The following KCNQ3 variants were observed in gnomAD, a reference collection of about 807,000 sequenced individuals.
The protein encoded by KCNQ3 is potassium voltage-gated channel subfamily KQT member 3.
KCNQ3 carries 30 observed loss-of-function variants against 92.5 expected under a neutral mutation model. That is an observed-to-expected ratio of 0.32 (90% CI 0.24 to 0.44). KCNQ3 has a LOEUF of 0.44. Ranked by LOEUF, KCNQ3 falls within the 20% of genes least tolerant of loss-of-function variation. The pLI is 1.00. For synonymous variants in KCNQ3, 450 were observed against 468.8 expected (o/e 0.96, Z 0.52); for missense variants, 913 against 1,140.3 (o/e 0.80, Z 2.87).
At chr8:132,392,787 TC>T (rs1767627406) in intron 1 of KCNQ3, among the ~76,000 whole-genome samples, 1 of 43,228 alleles carries the variant, frequency 2.3e-5, no homozygotes, top group Non-Finnish European at 4.7e-5. Flanking sequence ...GCAGAACCTG[TC>T]TCAAAAAAAA....
chr8:132,262,612 A>G (rs1309165623), intron 1 of KCNQ3, among the ~76,000 whole-genome samples: 1 of 147,934 alleles, frequency 6.8e-6, no homozygotes, highest in Non-Finnish European at 1.5e-5. Flanking sequence ...GCCACAGTGA[A>G]GGGGTGGAAT....
At chr8:132,176,265 G>A (rs1223853905) in intron 4 of KCNQ3, among the ~76,000 whole-genome samples, 1 of 152,176 alleles carries the variant, frequency 6.6e-6, no homozygotes, top group African/African-American at 2.4e-5. Context: ...ATATGACTAA[G>A]TAAACAAGAG....
intron 1 of KCNQ3, among the ~76,000 whole-genome samples, chr8:132,411,853 A>C (rs1017538909): frequency 9.9e-5 from 15 of 152,188 alleles, no homozygotes; most frequent in African/African-American, 3.6e-4. Flanking sequence ...GATGGAGCCC[A>C]GCTCCCAAGC....
chr8:132,248,147 A>G (rs1563823974), intron 1 of KCNQ3, among the ~76,000 whole-genome samples: 1 of 152,114 alleles, frequency 6.6e-6, no homozygotes, highest in Non-Finnish European at 1.5e-5. Context: ...AAAAATATAT[A>G]TCTGCATGTA....
intron 1 of KCNQ3, among the ~76,000 whole-genome samples, chr8:132,408,674 C>T (rs1362228766): frequency 6.6e-6 from 1 of 152,096 alleles, no homozygotes; most frequent in African/African-American, 2.4e-5. Context: ...GGAGATTATC[C>T]TGGGTGGGCC....
intron 1 of KCNQ3, among the ~76,000 whole-genome samples, chr8:132,284,250 T>C (rs958842476): frequency 3.9e-5 from 6 of 152,164 alleles, no homozygotes; most frequent in African/African-American, 1.4e-4. Flanking sequence ...AGGAGGCAGA[T>C]TCCAGATGAA....
chr8:132,269,800 C>T (rs1458451946), intron 1 of KCNQ3, among the ~76,000 whole-genome samples: 2 of 152,170 alleles, frequency 1.3e-5, no homozygotes, highest in East Asian at 3.9e-4. Context: ...TCACCTCCTC[C>T]TGACCTACCC....
At chr8:132,429,464 A>G (rs553398615) in intron 1 of KCNQ3, among the ~76,000 whole-genome samples, 1 of 152,344 alleles carries the variant, frequency 6.6e-6, no homozygotes, top group East Asian at 1.9e-4. Context: ...CTGAGATTCC[A>G]TCCATCCAAT....
intron 1 of KCNQ3, among the ~76,000 whole-genome samples, chr8:132,306,932 A>G (rs183322241): frequency 6.6e-6 from 1 of 152,332 alleles, no homozygotes; most frequent in African/African-American, 2.4e-5. Context: ...GGAACAGACC[A>G]AGACAGAATA....
At chr8:132,388,172 G>A (rs1191917370) in intron 1 of KCNQ3, among the ~76,000 whole-genome samples, 1 of 152,038 alleles carries the variant, frequency 6.6e-6, no homozygotes, top group Non-Finnish European at 1.5e-5. Flanking sequence ...TCCATCAAAT[G>A]AGCCCAGATT....
At chr8:132,301,638 G>A (rs1817219587) in intron 1 of KCNQ3, among the ~76,000 whole-genome samples, 1 of 152,158 alleles carries the variant, frequency 6.6e-6, no homozygotes, top group Non-Finnish European at 1.5e-5. Flanking sequence ...TGATTGATGG[G>A]ATCAGGAAGG....
intron 13 of KCNQ3, 51 bp downstream of exon 13, chr8:132,134,239 C>T (rs750330732): frequency 1.4e-6 from 2 of 1,385,764 alleles, no homozygotes; most frequent in East Asian, 4.6e-5. Context: ...GGTGGGGATG[C>T]TTTACAAACT....
chr8:132,166,008 C>A (rs1278498866), intron 8 of KCNQ3, among the ~76,000 whole-genome samples: 1 of 152,160 alleles, frequency 6.6e-6, no homozygotes, highest in African/African-American at 2.4e-5. Context: ...ATAATCTTGA[C>A]CCTGGTCGTA....
intron 1 of KCNQ3, among the ~76,000 whole-genome samples, chr8:132,352,634 G>A (rs1324679627): frequency 6.6e-6 from 1 of 152,242 alleles, no homozygotes; most frequent in Admixed American, 6.5e-5. Context: ...GCACAAGTAA[G>A]TGATAGCAAC....
intron 9 of KCNQ3, among the ~76,000 whole-genome samples, chr8:132,153,727 C>A (rs1825705587): frequency 1.1e-5 from 1 of 92,988 alleles, no homozygotes; most frequent in South Asian, 2.5e-4. Flanking sequence ...ATACTCCTAC[C>A]CCGCAAGCCC....
At chr8:132,170,202 G>A (rs945314639) in intron 8 of KCNQ3, 132 bp downstream of exon 8, 1 of 730,116 alleles carries the variant, frequency 1.4e-6, no homozygotes, top group Admixed American at 2.0e-5. Flanking sequence ...GATAATTCTA[G>A]GGTGCAGCCC....
chr8:132,479,810 T>C (rs1030101410), intron 1 of KCNQ3, among the ~76,000 whole-genome samples: 3 of 152,016 alleles, frequency 2.0e-5, no homozygotes, highest in Non-Finnish European at 2.9e-5. Context: ...AAAACCCACA[T>C]AATTATTTTA....
intron 1 of KCNQ3, among the ~76,000 whole-genome samples, chr8:132,444,462 C>T (rs1035509109): frequency 6.6e-5 from 10 of 152,304 alleles, no homozygotes; most frequent in African/African-American, 1.9e-4. Context: ...AATAAAAAGA[C>T]AGCATGGTGT....
At chr8:132,175,316 A>T in intron 5 of KCNQ3, 137 bp downstream of exon 5, 1 of 939,986 alleles carries the variant, frequency 1.1e-6, no homozygotes, top group South Asian at 1.3e-5. Flanking sequence ...GCAGGTTCTG[A>T]GCTGAAATTG....
Sources: gnomAD v4.1 joint callset for allele counts (sites outside exome capture counted in the v4.1 genomes callset) on GRCh38, gnomAD v4.1.1 for gene constraint, MANE v1.5 for transcripts, NCBI Gene and HGNC (gene_info 2026-07-23, HGNC 2026-07-21) for gene names.